EDIL3: variants seen among roughly 807,000 people sequenced by gnomAD.
EDIL3 encodes EGF like and discoidin domains 3, also known as EGF-like repeat and discoidin I-like domain-containing protein 3.
EDIL3 carries 37 observed loss-of-function variants against 67.4 expected under a neutral mutation model. The observed-to-expected ratio is 0.55, with a 90% CI of 0.42 to 0.72. EDIL3 has a LOEUF of 0.72. Ranked by LOEUF, EDIL3 falls within the 30% of genes least tolerant of loss-of-function variation. The probability of loss-of-function intolerance (pLI) is 0.00; values close to 1 mark genes in which losing one functional copy is unlikely to be tolerated. For missense variants in EDIL3, 527 were observed against 586.3 expected (o/e 0.90, Z 1.04); for synonymous variants, 195 against 196.3 (o/e 0.99, Z 0.05).
intron 9 of EDIL3, among the ~76,000 whole-genome samples, chr5:83,989,777 A>G (rs775571569): frequency 6.6e-6 from 1 of 152,150 alleles, no homozygotes; most frequent in Non-Finnish European, 1.5e-5. Context: ...AGCAAAGATT[A>G]GAGATGTCAT....
At chr5:84,112,884 TG>T (rs939374754) in intron 5 of EDIL3, among the ~76,000 whole-genome samples, 3 of 152,118 alleles carry the variant, frequency 2.0e-5, no homozygotes, top group Non-Finnish European at 2.9e-5. Flanking sequence ...ACAATACAAA[TG>T]GCAGGTAATA....
chr5:84,159,321 G>C (rs1580354089), intron 4 of EDIL3, among the ~76,000 whole-genome samples: 1 of 151,978 alleles, frequency 6.6e-6, no homozygotes, highest in African/African-American at 2.4e-5. Flanking sequence ...AATTCTGATT[G>C]AAATTTTATC....
chr5:84,264,728 G>C (rs560611024), intron 1 of EDIL3, among the ~76,000 whole-genome samples: 1 of 152,106 alleles, frequency 6.6e-6, no homozygotes, highest in African/African-American at 2.4e-5. Flanking sequence ...GACAGCAGAG[G>C]ACAAACTAAA....
intron 9 of EDIL3, among the ~76,000 whole-genome samples, chr5:83,991,549 T>C (rs538824757): frequency 5.3e-5 from 8 of 152,276 alleles, no homozygotes; most frequent in Admixed American, 4.6e-4. Context: ...TCCTCAACAC[T>C]GTACCCACAA....
intron 1 of EDIL3, among the ~76,000 whole-genome samples, chr5:84,280,999 C>T (rs1300173687): frequency 6.9e-6 from 1 of 143,906 alleles, no homozygotes; most frequent in East Asian, 2.0e-4. Flanking sequence ...ATCTAATTCA[C>T]AGGATCATTG....
At chr5:84,064,875 G>A in intron 7 of EDIL3, 31 bp from the exon 8 acceptor site, 1 of 1,584,122 alleles carries the variant, frequency 6.3e-7, no homozygotes, top group South Asian at 1.2e-5. Flanking sequence ...ATTATTCACT[G>A]CAACAGCTTA....
chr5:84,252,258 G>A (rs922725139), intron 2 of EDIL3, among the ~76,000 whole-genome samples: 2 of 151,970 alleles, frequency 1.3e-5, no homozygotes, highest in African/African-American at 2.4e-5. Context: ...TTGGGAGGCC[G>A]AGGTGGGTGG....
intron 1 of EDIL3, among the ~76,000 whole-genome samples, chr5:84,346,059 A>G (rs2112182906): frequency 6.6e-6 from 1 of 151,800 alleles, no homozygotes; most frequent in Non-Finnish European, 1.5e-5. Flanking sequence ...TTATTCTTTT[A>G]GTCATTCATT....
chr5:84,330,877 C>T (rs1746856771), intron 1 of EDIL3, among the ~76,000 whole-genome samples: 1 of 152,180 alleles, frequency 6.6e-6, no homozygotes, highest in Non-Finnish European at 1.5e-5. Context: ...CCAGCCCTTA[C>T]AGCAACTTCT....
intron 3 of EDIL3, among the ~76,000 whole-genome samples, chr5:84,192,268 C>G (rs918003194): frequency 6.6e-6 from 1 of 151,724 alleles, no homozygotes; most frequent in Non-Finnish European, 1.5e-5. Context: ...ACCCACCATG[C>G]AAACCTAATC....
intron 9 of EDIL3, among the ~76,000 whole-genome samples, chr5:83,987,869 G>GTGTATATATATATATA (rs1418733698): frequency 7.2e-6 from 1 of 138,426 alleles, no homozygotes; most frequent in African/African-American, 2.9e-5. Context: ...GTGTGTGTAT[G>GTGTATATATATATATA]TATATATATA....
chr5:84,280,299 G>T lies in EDIL3; in HGVS notation c.68-26087C>A, dbSNP rs963969115. On this transcript the variant is annotated intron_variant, in intron 1 of 10. Transcript: ENST00000296591. ...CCTTCAGTTTCATCTCCTTGAAATT[G>T]ATATAATTTAATCAGATCATGATCT... Among the ~76,000 whole-genome samples the T allele has an allele frequency of 4.6e-5, 7 of 152,050 alleles. No homozygotes were observed. In the South Asian group the frequency reaches 1.5e-3, roughly 32 times the overall value.
chr5:84,268,257 T>A (rs1745390439), intron 1 of EDIL3, among the ~76,000 whole-genome samples: 1 of 152,202 alleles, frequency 6.6e-6, no homozygotes, highest in Non-Finnish European at 1.5e-5. Context: ...GTTAGCAGAA[T>A]AATGAGCAAC....
intron 1 of EDIL3, among the ~76,000 whole-genome samples, chr5:84,319,829 G>T (rs1268469724): frequency 2.0e-5 from 3 of 152,084 alleles, no homozygotes; most frequent in African/African-American, 7.2e-5. Flanking sequence ...CCATAAAAAA[G>T]GATGAGTTCA....
chr5:84,141,689 T>C (rs536263372), intron 4 of EDIL3, among the ~76,000 whole-genome samples: 55 of 148,934 alleles, frequency 3.7e-4, no homozygotes, highest in Non-Finnish European at 6.5e-4. Context: ...TTTACAAGTA[T>C]TCCCAGTTCC....
intron 1 of EDIL3, among the ~76,000 whole-genome samples, chr5:84,274,314 C>T (rs7737446): frequency 0.56 from 84,557 of 151,816 alleles, 23,798 homozygotes; most frequent in East Asian, 0.82. Context: ...GTTGCTCAGG[C>T]TGGTCTTGAA....
At chr5:84,207,250 T>C (rs1280940283) in intron 3 of EDIL3, among the ~76,000 whole-genome samples, 1 of 151,994 alleles carries the variant, frequency 6.6e-6, no homozygotes, top group Non-Finnish European at 1.5e-5. Context: ...TATACACCAA[T>C]AACAGACAAA....
At chr5:84,117,020 ATTTTTTTTTTTTTT>A in intron 5 of EDIL3, among the ~76,000 whole-genome samples, 1 of 83,244 alleles carries the variant, frequency 1.2e-5, no homozygotes, top group African/African-American at 4.7e-5. Context: ...TTAAGTACTT[ATTTTTTTTTTTTTT>A]TTTTTTTTTT....
At chr5:84,102,624 AC>A (rs1197292628) in intron 6 of EDIL3, among the ~76,000 whole-genome samples, 2 of 151,466 alleles carry the variant, frequency 1.3e-5, no homozygotes, top group Non-Finnish European at 2.9e-5. Flanking sequence ...ACAAAACAAA[AC>A]AAAAAAAAAA....
Sources: allele counts gnomAD v4.1 joint callset (sites outside exome capture counted in the v4.1 genomes callset), GRCh38; gene constraint gnomAD v4.1.1; transcripts MANE v1.5; gene names NCBI Gene and HGNC (gene_info 2026-07-23, HGNC 2026-07-21).